The following HIBCH variants were observed in gnomAD, a reference collection of about 807,000 sequenced individuals.
The protein encoded by HIBCH is 3-hydroxyisobutyryl-CoA hydrolase, mitochondrial.
In HIBCH, 50 loss-of-function variants were observed where a neutral mutation model predicts 58.2. The observed-to-expected ratio is 0.86, with a 90% CI of 0.68 to 1.09. The LOEUF is 1.09. Among genes scored for constraint, HIBCH ranks in the 50% least tolerant of loss-of-function variants. HIBCH has a pLI of 0.00. For missense variants in HIBCH, 450 were observed against 449.7 expected, an observed-to-expected ratio of 1.00 and a Z score of -0.01; for synonymous variants, 151 against 146.9, an observed-to-expected ratio of 1.03 and a Z score of -0.20.
At chr2:190,311,078 A>G (rs1000658923) in intron 1 of HIBCH, 2 of 584,076 alleles carry the variant, frequency 3.4e-6, no homozygotes, top group Non-Finnish European at 6.3e-6. Context: ...ACAACCATAT[A>G]AAATATTATT....
chr2:190,219,583 G>A (rs1685657991), intron 11 of HIBCH, among the ~76,000 whole-genome samples: 1 of 152,146 alleles, frequency 6.6e-6, no homozygotes, highest in African/African-American at 2.4e-5. Context: ...TACTTGAAGA[G>A]CCCCTGAGCT....
In HIBCH at chr2:190,317,697, G is replaced by A. The variant is rs556329828; in HGVS notation, c.35+2019C>T. 6.6e-5 allele frequency among the ~76,000 whole-genome samples: 10 copies of A among 152,326 alleles called. No homozygotes were observed. In the East Asian group the frequency reaches 1.9e-3, roughly 29 times the overall value. The stretch of plus-strand genomic sequence containing the variant: ...ACTACTGTTGAAACCTGAATCCACA[G>A]GAAGAGGTTAAGGTTTGGGAGTGTG... On this transcript the variant is annotated intron_variant, in intron 1 of 13. Coordinates refer to ENST00000359678, the MANE Select transcript of HIBCH (RefSeq NM_014362.4).
At chr2:190,259,681 T>C (rs570200480) in intron 7 of HIBCH, among the ~76,000 whole-genome samples, 20 of 152,328 alleles carry the variant, frequency 1.3e-4, no homozygotes, top group African/African-American at 4.1e-4. Context: ...GAAATGCTGA[T>C]TTTTATGTGT....
At chr2:190,196,367 T>C (rs969915058) in intron 1 of HIBCH, among the ~76,000 whole-genome samples, 2 of 152,194 alleles carry the variant, frequency 1.3e-5, no homozygotes, top group African/African-American at 2.4e-5. Context: ...TTTCACATCT[T>C]GTACATTTCA....
At chr2:190,227,974 A>T (rs1433085028) in intron 11 of HIBCH, among the ~76,000 whole-genome samples, 1 of 152,184 alleles carries the variant, frequency 6.6e-6, no homozygotes, top group Admixed American at 6.5e-5. Context: ...TAGTTCAACC[A>T]TTGTGGAAGA....
chr2:190,232,229 T>C (rs1380493169), intron 11 of HIBCH, among the ~76,000 whole-genome samples: 1 of 152,128 alleles, frequency 6.6e-6, no homozygotes, highest in East Asian at 1.9e-4. Flanking sequence ...TTTATTTCTA[T>C]ATATCAAAAA....
chr2:190,307,914 C>A (rs1688455916), intron 2 of HIBCH, among the ~76,000 whole-genome samples: 1 of 152,200 alleles, frequency 6.6e-6, no homozygotes, highest in Non-Finnish European at 1.5e-5. Context: ...GAATGTCACA[C>A]TATAAACACA....
At chr2:190,218,412 G>A (rs1351156114) in intron 11 of HIBCH, among the ~76,000 whole-genome samples, 3 of 152,104 alleles carry the variant, frequency 2.0e-5, no homozygotes, top group Non-Finnish European at 4.4e-5. Flanking sequence ...GAACCCTGGA[G>A]GTATACATTA....
intron 2 of HIBCH, among the ~76,000 whole-genome samples, chr2:190,303,542 A>G (rs531661817): frequency 5.3e-5 from 8 of 152,362 alleles, no homozygotes; most frequent in African/African-American, 1.9e-4. Context: ...GAAGCAATCA[A>G]TAATGTGATA....
intron 7 of HIBCH, 148 bp downstream of exon 7, chr2:190,261,008 A>G (rs921878299): frequency 2.6e-5 from 17 of 655,710 alleles, no homozygotes; most frequent in Non-Finnish European, 4.6e-5. Flanking sequence ...ACTTCAAAGT[A>G]TCTTCCTATT....
At position 190,215,451 on chromosome 2, in the gene HIBCH, AAGG is replaced by A. The variant is rs540945715; in HGVS notation, c.892-2379_892-2377del. On this transcript the variant is annotated intron_variant, in intron 11 of 13. Transcript: ENST00000359678. The surrounding 1 kb of genome is among the most constrained non-coding windows in gnomAD (Gnocchi z 4.4). ...AAGCATTTGAGATTCAACAACAAAA[AAGG>A]AGGAGACTCCCTCTGTGTTGCTGCA... 269 of 152,312 alleles carry A rather than the reference AAGG, an allele frequency of 1.8e-3. 1 individual carries two copies. Among genetic ancestry groups the A allele is most frequent in the African/African-American group, 6.1e-3 (253 of 41,578 alleles). The allele number at this position is 152,312 out of a possible 1,614,324, so 9.4% of individuals were successfully genotyped here. A position where few individuals can be genotyped will look rare whatever the true frequency, so the allele number is the denominator to read the frequency against.
In HIBCH at chr2:190,206,383, C is replaced by T. The variant is rs532532097; in HGVS notation, c.1046-1151G>A. On this transcript the variant is annotated intron_variant, in intron 13 of 13. Coordinates refer to ENST00000359678, the MANE Select transcript of HIBCH (RefSeq NM_014362.4). The surrounding 1 kb of genome is among the most constrained non-coding windows in gnomAD (Gnocchi z 5.1). ...CGGCACATTTTTTCCACAAGAATCT[C>T]TCTCACTCTAAGTCTTCTGGTCAAT... 2.0e-5 allele frequency among the ~76,000 whole-genome samples: 3 copies of T among 152,356 alleles called. No homozygotes were observed. Among genetic ancestry groups the T allele is most frequent in the African/African-American group, 7.2e-5 (3 of 41,582 alleles).
Position 190,210,442 on chromosome 2 carries a change from T to TA in HIBCH, c.1012-1530dup, listed in dbSNP as rs1202000491. ...CTTTCTCTACCACACCTCAAAATGT[T>TA]AGAGTTCCTTAGGGCTCAGGTCTGG... is the stretch of plus-strand genomic sequence containing the variant. On this transcript the variant is annotated intron_variant, in intron 12 of 13. Transcript: ENST00000359678. This position sits in a 1 kb window ranked among gnomAD's most constrained non-coding sequence, Gnocchi z 5.5. 6.6e-6 allele frequency among the ~76,000 whole-genome samples: 1 copy of TA among 152,166 alleles called. No homozygotes were observed.
intron 7 of HIBCH, among the ~76,000 whole-genome samples, chr2:190,260,748 G>C (rs1687064063): frequency 6.6e-6 from 1 of 152,122 alleles, no homozygotes. Flanking sequence ...TGGAATGATT[G>C]TATTTCCATA....
chr2:190,249,868 T>C, intron 8 of HIBCH, 142 bp from the exon 9 acceptor site: 1 of 657,696 alleles, frequency 1.5e-6, no homozygotes, highest in Non-Finnish European at 2.7e-6. Context: ...GAAAGAAATT[T>C]TGACTTAAGT....
chr2:190,283,501 T>C (rs1342048643), intron 6 of HIBCH, among the ~76,000 whole-genome samples: 1 of 152,210 alleles, frequency 6.6e-6, no homozygotes, highest in Non-Finnish European at 1.5e-5. Context: ...CCTTCTATAG[T>C]AGTACATTTC....
At chr2:190,294,020 G>GTATATATATATATATATATA (rs1413194024) in intron 4 of HIBCH, among the ~76,000 whole-genome samples, 2 of 125,834 alleles carry the variant, frequency 1.6e-5, no homozygotes, top group Admixed American at 8.8e-5. Context: ...TATATTTTGT[G>GTATATATATATATATATATA]TGTATATATA....
chr2:190,191,685 A>G (rs181465787), intron 1 of HIBCH, among the ~76,000 whole-genome samples: 31 of 152,326 alleles, frequency 2.0e-4, no homozygotes, highest in African/African-American at 7.0e-4. Context: ...GTTTCTTATC[A>G]TGGCTGTAAT....
downstream of HIBCH, chr2:190,199,766 C>G: frequency 6.5e-7 from 1 of 1,540,860 alleles, no homozygotes; most frequent in Non-Finnish European, 8.7e-7. Flanking sequence ...AGGGAAAGCA[C>G]TGGTCAACAT....
Sources: allele counts gnomAD v4.1 joint callset (sites outside exome capture counted in the v4.1 genomes callset), GRCh38; gene constraint gnomAD v4.1.1; non-coding constraint Gnocchi (gnomAD v3.1); transcripts MANE v1.5; gene names NCBI Gene and HGNC (gene_info 2026-07-23, HGNC 2026-07-21).